NKAIN3: variants seen among roughly 807,000 people sequenced by gnomAD.
The protein encoded by NKAIN3 is sodium/potassium transporting ATPase interacting 3, also known as sodium/potassium-transporting ATPase subunit beta-1-interacting protein 3.
A neutral mutation model predicts 30.2 loss-of-function variants in NKAIN3; 25 were observed. That is an observed-to-expected ratio of 0.83 (90% confidence interval 0.60 to 1.16). The LOEUF (loss-of-function observed/expected upper bound fraction) is 1.16. Among genes scored for constraint, NKAIN3 ranks in the 50% most tolerant of loss-of-function variants. The probability of loss-of-function intolerance (pLI) is 0.00; values close to 1 mark genes in which losing one functional copy is unlikely to be tolerated. For missense variants in NKAIN3, 225 were observed against 254.1 expected, an observed-to-expected ratio of 0.89 and a Z score of 0.78; for synonymous variants, 91 against 89.6, an observed-to-expected ratio of 1.02 and a Z score of -0.09.
chr8:62,632,949 G>T (rs1325594889), intron 3 of NKAIN3, among the ~76,000 whole-genome samples: 1 of 152,078 alleles, frequency 6.6e-6, no homozygotes, highest in Non-Finnish European at 1.5e-5. Flanking sequence ...ATTTTATGCT[G>T]CAATGCTTGC....
At chr8:62,851,833 T>C (rs1395792895) in intron 4 of NKAIN3, among the ~76,000 whole-genome samples, 2 of 152,224 alleles carry the variant, frequency 1.3e-5, no homozygotes, top group African/African-American at 4.8e-5. Context: ...ATAAGCTTTT[T>C]GATGTGCTGC....
chr8:62,256,794 C>A (rs1043842585), intron 1 of NKAIN3, among the ~76,000 whole-genome samples: 1 of 152,278 alleles, frequency 6.6e-6, no homozygotes, highest in Non-Finnish European at 1.5e-5. Context: ...GTAAAGATCA[C>A]TTTGCTTTTA....
chr8:62,539,109 C>T (rs1254573848), intron 1 of NKAIN3, among the ~76,000 whole-genome samples: 1 of 152,194 alleles, frequency 6.6e-6, no homozygotes, highest in Non-Finnish European at 1.5e-5. Flanking sequence ...TATCTACCAA[C>T]TCCTGTGTCT....
At chr8:62,960,910 AG>A (rs200224473) in intron 6 of NKAIN3, among the ~76,000 whole-genome samples, 4,149 of 152,286 alleles carry the variant, frequency 0.027, 85 homozygotes, top group Non-Finnish European at 0.044. Context: ...AGAAAGAAAG[AG>A]GGAGATGATC....
chr8:62,680,413 G>T (rs1813613423), intron 3 of NKAIN3, among the ~76,000 whole-genome samples: 1 of 152,134 alleles, frequency 6.6e-6, no homozygotes, highest in African/African-American at 2.4e-5. Context: ...TATGTCAGTT[G>T]TTATAGCAGG....
At chr8:62,807,358 G>A (rs60529641) in intron 4 of NKAIN3, among the ~76,000 whole-genome samples, 3,048 of 152,056 alleles carry the variant, frequency 0.02, 112 homozygotes, top group African/African-American at 0.07. Context: ...TCTTATTAAT[G>A]TATATGGAAT....
intron 3 of NKAIN3, among the ~76,000 whole-genome samples, chr8:62,703,565 A>G (rs1170701241): frequency 1.3e-5 from 2 of 152,114 alleles, no homozygotes. Context: ...CCCTCCTAAA[A>G]TCTTTTGCGG....
At chr8:62,755,066 C>A (rs1185631470) in intron 4 of NKAIN3, among the ~76,000 whole-genome samples, 1 of 152,190 alleles carries the variant, frequency 6.6e-6, no homozygotes, top group Non-Finnish European at 1.5e-5. Context: ...TGGAGCTGAT[C>A]TCTGTGCTTT....
chr8:62,555,070 G>A (rs532230017), intron 1 of NKAIN3, among the ~76,000 whole-genome samples: 15 of 149,152 alleles, frequency 1.0e-4, no homozygotes, highest in African/African-American at 3.5e-4. Context: ...CTAGCTATGT[G>A]AGAAGATGGA....
intron 4 of NKAIN3, among the ~76,000 whole-genome samples, chr8:62,869,223 C>T (rs1820515097): frequency 6.6e-6 from 1 of 152,278 alleles, no homozygotes; most frequent in Admixed American, 6.5e-5. Context: ...TATGCATGTG[C>T]CATGGTGGTT....
At chr8:62,521,375 G>T (rs918367407) in intron 1 of NKAIN3, among the ~76,000 whole-genome samples, 1 of 152,244 alleles carries the variant, frequency 6.6e-6, no homozygotes, top group East Asian at 1.9e-4. Context: ...CCTTGTCTGG[G>T]AATGTGTTGA....
At chr8:62,857,164 G>T (rs987161738) in intron 4 of NKAIN3, 1 of 329,078 alleles carries the variant, frequency 3.0e-6, no homozygotes, top group Non-Finnish European at 5.8e-6. Flanking sequence ...TTGAATATAG[G>T]GCCCCAATCT....
chr8:62,597,147 G>A (rs1810859341), intron 3 of NKAIN3, among the ~76,000 whole-genome samples: 1 of 152,112 alleles, frequency 6.6e-6, no homozygotes, highest in Admixed American at 6.5e-5. Flanking sequence ...CGGGTTGCAA[G>A]CTGGTCCCTC....
At chr8:62,458,829 T>A (rs967642629) in intron 1 of NKAIN3, among the ~76,000 whole-genome samples, 1 of 152,220 alleles carries the variant, frequency 6.6e-6, no homozygotes, top group Non-Finnish European at 1.5e-5. Context: ...AAAGGGCATA[T>A]GTGGCTGATT....
intron 1 of NKAIN3, among the ~76,000 whole-genome samples, chr8:62,249,778 A>G (rs1303807214): frequency 6.6e-6 from 1 of 152,188 alleles, no homozygotes; most frequent in Non-Finnish European, 1.5e-5. Context: ...AGCTGTCATC[A>G]AGGAGAGAAC....
At chr8:62,918,419 G>A (rs1822172465) in intron 4 of NKAIN3, 34 bp from the exon 5 acceptor site, 2 of 1,530,626 alleles carry the variant, frequency 1.3e-6, no homozygotes, top group South Asian at 1.1e-5. Flanking sequence ...ACTTGGCATA[G>A]ATTCTTAAGG....
chr8:62,720,715 T>G (rs1815062651), intron 3 of NKAIN3, among the ~76,000 whole-genome samples: 1 of 152,230 alleles, frequency 6.6e-6, no homozygotes, highest in Non-Finnish European at 1.5e-5. Flanking sequence ...TATGGCCTCT[T>G]ACTGCAAATT....
intron 3 of NKAIN3, among the ~76,000 whole-genome samples, chr8:62,626,752 T>C (rs750223148): frequency 2.6e-5 from 4 of 152,060 alleles, no homozygotes; most frequent in Non-Finnish European, 5.9e-5. Context: ...GTGTGGAAAA[T>C]AGTACCCAGC....
chr8:62,464,000 G>C (rs1399287259), intron 1 of NKAIN3, among the ~76,000 whole-genome samples: 1 of 151,994 alleles, frequency 6.6e-6, no homozygotes, highest in East Asian at 1.9e-4. Context: ...CAAAACTGGG[G>C]ATATTCCTAG....
Sources: allele counts gnomAD v4.1 joint callset (sites outside exome capture counted in the v4.1 genomes callset), GRCh38; gene constraint gnomAD v4.1.1; transcripts MANE v1.5; gene names NCBI Gene and HGNC (gene_info 2026-07-23, HGNC 2026-07-21).